Variants in TP53BP1 observed in about 807,000 individuals in gnomAD.
TP53BP1 encodes TP53-binding protein 1.
In TP53BP1, 61 loss-of-function variants were observed where a neutral mutation model predicts 200.8. That is an observed-to-expected ratio of 0.30 (90% CI 0.25 to 0.38). The LOEUF (loss-of-function observed/expected upper bound fraction) is 0.38. Among genes scored for constraint, TP53BP1 ranks in the 10% least tolerant of loss-of-function variants. TP53BP1 has a pLI of 1.00. For synonymous variants in TP53BP1, 822 were observed against 844.3 expected (o/e 0.97, Z 0.46); for missense variants, 2,144 against 2,371.9 (o/e 0.90, Z 2.00).
In TP53BP1 at chr15:43,403,829, C is replaced by T; in HGVS notation, c.*3554G>A. The T allele has an allele frequency of 6.5e-7, 1 of 1,544,440 alleles. No individual in the cohort carries two copies. The highest frequency in any genetic ancestry group is 1.1e-5 in the South Asian group (1 of 89,606). On this transcript the variant is annotated 3_prime_UTR_variant, in exon 28 of 28. Transcript: ENST00000382044. ...GTCTGCCTGGAAGTATGCAGCCTTG[C>T]CGAAAGGACAGAGGTGGTTTTGCCA...
chr15:43,407,487 G>C lies in TP53BP1; in HGVS notation c.5830C>G (p.Leu1944Val). Residue 1944 changes from leucine to valine, a missense_variant, in exon 28 of 28, where the codon CTG (leucine) becomes GTG (valine). By Grantham distance (32) the Leu-to-Val change is conservative. This residue lies in a region of TP53BP1 where 334 missense variants were observed against 453.4 expected (regional missense o/e 0.74). Coordinates refer to ENST00000382044, the MANE Select transcript of TP53BP1 (RefSeq NM_001141980.3). ...ACCCACTCTTGTGACACCACAGGCAGCTGCAATGCTTCAGCACACTTCAGC... is the reference window on the plus strand; with the variant it reads ...ACCCACTCTTGTGACACCACAGGCACCTGCAATGCTTCAGCACACTTCAGC... ...SVLKCAEALQ[L>V]PVVSQEWVIQ... 6.2e-7 allele frequency: 1 copy of C among 1,614,200 alleles called. No homozygotes were observed. The highest frequency in any genetic ancestry group is 8.5e-7 in the Non-Finnish European group (1 of 1,180,026).
intron 22 of TP53BP1, 38 bp downstream of exon 22, chr15:43,416,187 G>A: frequency 6.4e-7 from 1 of 1,570,508 alleles, no homozygotes; most frequent in Non-Finnish European, 8.7e-7. Context: ...AGCAGAACAG[G>A]AGCCCAAAAG....
intron 16 of TP53BP1, among the ~76,000 whole-genome samples, chr15:43,438,078 C>A (rs536144973): frequency 6.6e-6 from 1 of 152,356 alleles, no homozygotes; most frequent in Non-Finnish European, 1.5e-5. Context: ...ATGCTCACGG[C>A]AACAGCCTTA....
rs1303493412 is a variant in TP53BP1, at chr15:43,455,920, G to A, written c.2688C>T (p.Ala896=). The A allele has an allele frequency of 6.2e-7, 1 of 1,614,054 alleles. No individual in the cohort carries two copies. The highest frequency in any genetic ancestry group is 1.3e-5 in the African/African-American group (1 of 74,932). ...AQKLGKPSAH[A]SQSFCESSSE... is the part of the protein sequence containing the mutation. The stretch of plus-strand genomic sequence containing the variant: ...TAGAACTTTCACAGAAGCTTTGTGA[G>A]GCATGGGCAGAGGGCTTCCCCAGCT... The change falls in exon 12 of 28, where the codon GCC becomes GCT. Residue 896 remains alanine (A), a synonymous_variant. Transcript: ENST00000382044.
intron 1 of TP53BP1, 40 bp from the exon 2 acceptor site, chr15:43,492,508 C>A: frequency 1.3e-6 from 2 of 1,560,392 alleles, no homozygotes; most frequent in Non-Finnish European, 1.8e-6. Flanking sequence ...GTGTAACCTA[C>A]TAGCCTTGCT....
At position 43,409,734 on chromosome 15, in the gene TP53BP1, C is replaced by CA; in HGVS notation, c.5312dup (p.Leu1771PhefsTer24). 1 of 1,510,434 alleles carries CA rather than the reference C, an allele frequency of 6.6e-7. No individual in the cohort carries two copies. The highest frequency in any genetic ancestry group is 9.0e-7 in the Non-Finnish European group (1 of 1,117,202). 93.6% of individuals were successfully genotyped at this position (1,510,434 alleles called of 1,614,324 possible). A position where few individuals can be genotyped will look rare whatever the true frequency, so the allele number is the denominator to read the frequency against. ...ACTGCTTGTTGAAAGGAGGAATTTC[C>CA]AAAAATTCTATATTAAAAAAAAAAA... is the stretch of plus-strand genomic sequence containing the variant. On this transcript the variant is annotated frameshift_variant, in exon 25 of 28. Transcript: ENST00000382044. LOFTEE classifies it high-confidence loss of function.
intron 18 of TP53BP1, among the ~76,000 whole-genome samples, chr15:43,422,428 A>G (rs2045426178): frequency 6.6e-6 from 1 of 152,152 alleles, no homozygotes; most frequent in African/African-American, 2.4e-5. Context: ...TAAAATAAAC[A>G]TGGTACTATA....
In TP53BP1 at chr15:43,407,849, C is replaced by T. The variant is rs964108830; in HGVS notation, c.5746+94G>A. 1.3e-5 allele frequency: 17 copies of T among 1,280,256 alleles called. No homozygotes were observed. In the East Asian group the frequency reaches 3.3e-4, roughly 25 times the overall value. The allele number at this position is 1,280,256 out of a possible 1,614,324, so 79.3% of individuals were successfully genotyped here. On this transcript the variant is annotated intron_variant, in intron 27 of 27. Transcript: ENST00000382044. ...CTCTAAGAAACATGGATACGGTCAA[C>T]CTATTAGGCCTGAGCCTTGGACCAC...
In TP53BP1 at chr15:43,406,714, ATAT is replaced by A; in HGVS notation, c.*666_*668del. On this transcript the variant is annotated 3_prime_UTR_variant, in exon 28 of 28. Transcript: ENST00000382044. ...TATTGTGACAATAATAATAATAATA[ATAT>A]TGGGTCTTTGACTAGAACGTGTAAC... The A allele has an allele frequency of 2.4e-6, 1 of 422,656 alleles. No homozygotes were observed. Among genetic ancestry groups the A allele is most frequent in the Non-Finnish European group, 4.7e-6 (1 of 214,518 alleles). 26.2% of individuals were successfully genotyped at this position (422,656 alleles called of 1,614,324 possible).
intron 17 of TP53BP1, among the ~76,000 whole-genome samples, chr15:43,430,561 A>C (rs1158981408): frequency 6.6e-6 from 1 of 152,224 alleles, no homozygotes; most frequent in Non-Finnish European, 1.5e-5. Context: ...AGGTATATCA[A>C]TAATGAAGAT....
At chr15:43,472,861 A>T (rs2046760595) in intron 10 of TP53BP1, among the ~76,000 whole-genome samples, 1 of 152,202 alleles carries the variant, frequency 6.6e-6, no homozygotes, top group Non-Finnish European at 1.5e-5. Flanking sequence ...TGTGTCCAGA[A>T]TTGGTGGGTT....
chr15:43,477,905 TA>T, intron 7 of TP53BP1, 146 bp from the exon 8 acceptor site: 1 of 603,046 alleles, frequency 1.7e-6, no homozygotes, highest in Non-Finnish European at 2.7e-6. Flanking sequence ...AAAAAGGAAA[TA>T]AACTACTCTT....
intron 4 of TP53BP1, among the ~76,000 whole-genome samples, chr15:43,489,360 A>G (rs564645869): frequency 4.6e-5 from 7 of 152,254 alleles, no homozygotes; most frequent in Admixed American, 2.6e-4. Context: ...AGGGACGTGC[A>G]TACTTCCTGT....
rs1458377292 is a variant in TP53BP1 at position 43,422,129 on chromosome 15, G to A, written c.3829-3C>T. On this transcript the variant is annotated splice_polypyrimidine_tract_variant and splice_region_variant and intron_variant, in intron 18 of 27. Coordinates refer to ENST00000382044, the MANE Select transcript of TP53BP1 (RefSeq NM_001141980.3). ...TCTACAATTGGCTCTTCAGTCTCCT[G>A]CAAGGAAAAAATAGATACAGAAGAT... 1.2e-6 allele frequency: 2 copies of A among 1,610,490 alleles called. No individual in the cohort carries two copies. Among genetic ancestry groups the A allele is most frequent in the Admixed American group, 3.4e-5 (2 of 58,976 alleles).
At chr15:43,496,963 G>GT (rs1336633639), upstream of TP53BP1, among the ~76,000 whole-genome samples, 3 of 152,166 alleles carry the variant, frequency 2.0e-5, no homozygotes, top group Non-Finnish European at 4.4e-5. Flanking sequence ...TCACATCCAA[G>GT]TATCATCTCC....
chr15:43,459,918 G>A (rs2046390110), intron 11 of TP53BP1, among the ~76,000 whole-genome samples: 1 of 152,174 alleles, frequency 6.6e-6, no homozygotes, highest in Non-Finnish European at 1.5e-5. Context: ...CTGACAGAAA[G>A]CTGATGTGTG....
At chr15:43,443,173 T>A (rs749744680) in intron 14 of TP53BP1, among the ~76,000 whole-genome samples, 2 of 151,886 alleles carry the variant, frequency 1.3e-5, no homozygotes, top group Non-Finnish European at 2.9e-5. Flanking sequence ...TCCAAATTCA[T>A]CTCTGCCCAT....
At chr15:43,416,178 G>T (rs866845205) in intron 22 of TP53BP1, 47 bp downstream of exon 22, 3 of 1,530,092 alleles carry the variant, frequency 2.0e-6, no homozygotes, top group Middle Eastern at 4.4e-4. Flanking sequence ...CCCACTGTAA[G>T]CAGAACAGGA....
intron 7 of TP53BP1, 115 bp downstream of exon 7, chr15:43,479,281 CA>C: frequency 8.5e-7 from 1 of 1,176,812 alleles, no homozygotes; most frequent in Non-Finnish European, 1.2e-6. Flanking sequence ...ATGCCCAGTA[CA>C]AGGGGAAAAT....
Sources: allele counts gnomAD v4.1 joint callset (sites outside exome capture counted in the v4.1 genomes callset), GRCh38; gene constraint gnomAD v4.1.1; regional missense constraint gnomAD v4.1.1; transcripts MANE v1.5; gene names NCBI Gene and HGNC (gene_info 2026-07-23, HGNC 2026-07-21).